Variants in SHROOM4 observed in about 807,000 individuals in gnomAD.
The protein encoded by SHROOM4 is shroom family member 4, also known as protein Shroom4.
A neutral mutation model predicts 80.3 loss-of-function variants in SHROOM4; 17 were observed. That is an observed-to-expected ratio of 0.21 (90% CI 0.14 to 0.32). SHROOM4 has a LOEUF of 0.32. SHROOM4 is among the 10% of genes least tolerant of loss of function. The pLI is 1.00. For missense variants in SHROOM4, 993 were observed against 1,140.3 expected (o/e 0.87, Z 1.86); for synonymous variants, 400 against 437.5 (o/e 0.91, Z 1.07).
chrX:50,575,861 A>G, the SHROOM4 span, among the ~76,000 whole-genome samples: 1 of 111,470 alleles, frequency 9.0e-6, no homozygotes, highest in African/African-American at 3.3e-5. Flanking sequence ...ATTTTCCCCT[A>G]CCCGCAGTTC....
rs58621277 is a variant in SHROOM4, at chrX:50,615,098, T to TTGTGTG, written c.2958-6920_2958-6915dup. ...GATGGTTTGGGGTGAGATTCTCTTA[T>TTGTGTG]TGTGTGTGTGTGTGTGTGTGTGTGT... is the stretch of plus-strand genomic sequence containing the variant. On this transcript the variant is annotated intron_variant, in intron 5 of 8. Coordinates refer to ENST00000376020, the MANE Select transcript of SHROOM4 (RefSeq NM_020717.5). 8.5e-4 allele frequency among the ~76,000 whole-genome samples: 84 copies of TTGTGTG among 98,491 alleles called. No homozygotes were observed. The Middle Eastern group carries it at 0.021, about 24-fold the overall frequency. The allele number at this position is 98,491 out of a possible 115,157, so 85.5% of individuals were successfully genotyped here.
At chrX:50,722,944 A>C (rs781930509) in intron 1 of SHROOM4, among the ~76,000 whole-genome samples, 1 of 110,506 alleles carries the variant, frequency 9.0e-6, no homozygotes, top group South Asian at 4.0e-4. Flanking sequence ...TAAAATTACC[A>C]TACCATAAAA....
chrX:50,665,445 T>C (rs1557260278), intron 2 of SHROOM4, among the ~76,000 whole-genome samples: 2 of 111,005 alleles, frequency 1.8e-5, no homozygotes, highest in Non-Finnish European at 3.8e-5. Flanking sequence ...GGAGAAAGCA[T>C]GCACAACTTG....
rs1932052640 is a variant in SHROOM4 at position 50,651,396 on chromosome X, A to G, written c.270-13088T>C. 2.7e-5 allele frequency among the ~76,000 whole-genome samples: 3 copies of G among 111,342 alleles called. No homozygotes were observed. The South Asian group carries it at 1.1e-3, about 42-fold the overall frequency. On this transcript the variant is annotated intron_variant, in intron 2 of 8. Coordinates refer to ENST00000376020, the MANE Select transcript of SHROOM4 (RefSeq NM_020717.5). ...GGCTTAGGGAGGTGAAATAAATCAC[A>G]TAAGGCTTGAACACAAGTTTTTTGC...
chrX:50,792,989 A>G (rs913445177), intron 1 of SHROOM4, among the ~76,000 whole-genome samples: 6 of 105,244 alleles, frequency 5.7e-5, no homozygotes, highest in Non-Finnish European at 1.2e-4. Flanking sequence ...TCTTGAAAAC[A>G]TATTTAAAAC....
intron 3 of SHROOM4, 123 bp from the exon 4 acceptor site, chrX:50,635,791 AGGGGG>A: frequency 4.5e-6 from 2 of 442,638 alleles, no homozygotes; most frequent in Non-Finnish European, 7.5e-6. Context: ...AAAAAAAAAA[AGGGGG>A]AAGAAAGGGA....
intron 2 of SHROOM4, among the ~76,000 whole-genome samples, chrX:50,679,228 G>T (rs1932895174): frequency 9.0e-6 from 1 of 110,712 alleles, no homozygotes; most frequent in African/African-American, 3.3e-5. Context: ...GATTTAAAAA[G>T]ATAAGCATTG....
intron 5 of SHROOM4, among the ~76,000 whole-genome samples, chrX:50,622,886 G>A (rs782570096): frequency 1.8e-5 from 2 of 112,101 alleles, no homozygotes; most frequent in Non-Finnish European, 3.8e-5. Context: ...CAGTTTTCTA[G>A]ATTCTGACTG....
chrX:50,798,964 A>G (rs782787831), intron 1 of SHROOM4, among the ~76,000 whole-genome samples: 1 of 111,764 alleles, frequency 8.9e-6, no homozygotes, highest in East Asian at 2.8e-4. Flanking sequence ...CTGCCCTTTG[A>G]ACCTTTAACT....
At chrX:50,638,069 A>T in intron 3 of SHROOM4, 105 bp downstream of exon 3, 1 of 1,012,354 alleles carries the variant, frequency 9.9e-7, no homozygotes. Flanking sequence ...CTTTTCCATT[A>T]TAGTACTTGA....
In SHROOM4 at chrX:50,687,267, C is replaced by CTTTTTTTTTTTTTTT. The variant is rs1217867502; in HGVS notation, c.269+8504_269+8518dup. On this transcript the variant is annotated intron_variant, in intron 2 of 8. Transcript: ENST00000376020. ...CTATTCAACTTTGCCATTTTGGTGT[C>CTTTTTTTTTTTTTTT]TTTTTTTTTTTTTTTTAAAAACAGC... The CTTTTTTTTTTTTTTT allele has an allele frequency of 1.4e-3, 125 of 88,782 alleles. 1 individual carries two copies. Among genetic ancestry groups the CTTTTTTTTTTTTTTT allele is most frequent in the African/African-American group, 5.4e-3 (119 of 22,064 alleles). The allele number at this position is 88,782 out of a possible 1,213,427, so 7.3% of individuals were successfully genotyped here.
At chrX:50,657,159 A>G (rs1167989601) in intron 2 of SHROOM4, among the ~76,000 whole-genome samples, 1 of 111,498 alleles carries the variant, frequency 9.0e-6, no homozygotes, top group East Asian at 2.8e-4. Context: ...CTTTTGGTGG[A>G]CTTCTAGGGT....
At chrX:50,713,408 ATTGC>A (rs1354995531) in intron 1 of SHROOM4, among the ~76,000 whole-genome samples, 10 of 110,295 alleles carry the variant, frequency 9.1e-5, no homozygotes, top group Admixed American at 4.8e-4. Flanking sequence ...AGGTGGGGGG[ATTGC>A]TTGAGCCCAG....
chrX:50,609,053 A>C (rs1209867898), intron 5 of SHROOM4, among the ~76,000 whole-genome samples: 1 of 92,657 alleles, frequency 1.1e-5, no homozygotes, highest in East Asian at 3.4e-4. Flanking sequence ...ACTTGTGTCC[A>C]GGAGTTCAAG....
rs181053981 is a variant in SHROOM4 at position 50,679,809 on chromosome X, T to G, written c.269+15977A>C. Among the ~76,000 whole-genome samples the G allele has an allele frequency of 1.4e-4, 16 of 112,073 alleles. No individual in the cohort carries two copies. In the East Asian group the frequency reaches 4.5e-3, roughly 31 times the overall value. On this transcript the variant is annotated intron_variant, in intron 2 of 8. Coordinates refer to ENST00000376020, the MANE Select transcript of SHROOM4 (RefSeq NM_020717.5). ...GGAACTTATTCCTTTCTTTTAAAAA[T>G]TAATTTTATTAACCGACAAAAATCA...
At chrX:50,767,794 C>T (rs1244235269) in intron 1 of SHROOM4, among the ~76,000 whole-genome samples, 1 of 111,627 alleles carries the variant, frequency 9.0e-6, no homozygotes, top group Non-Finnish European at 1.9e-5. Context: ...GAAATATTTT[C>T]ATATGGAAAC....
At chrX:50,717,311 G>C (rs782273292) in intron 1 of SHROOM4, among the ~76,000 whole-genome samples, 1 of 111,706 alleles carries the variant, frequency 9.0e-6, no homozygotes, top group Non-Finnish European at 1.9e-5. Context: ...TCCGCCTCCC[G>C]GGTTCAAGCG....
At chrX:50,781,654 G>A (rs1935629451) in intron 1 of SHROOM4, among the ~76,000 whole-genome samples, 1 of 110,737 alleles carries the variant, frequency 9.0e-6, no homozygotes, top group Non-Finnish European at 1.9e-5. Flanking sequence ...ACTGTAGACT[G>A]TTTCCTGAAC....
At chrX:50,725,331 T>C (rs1319820795) in intron 1 of SHROOM4, among the ~76,000 whole-genome samples, 1 of 112,122 alleles carries the variant, frequency 8.9e-6, no homozygotes, top group Non-Finnish European at 1.9e-5. Context: ...AGCCAAGGGC[T>C]CTGCTCTGGC....
Sources: gnomAD v4.1 joint callset for allele counts (sites outside exome capture counted in the v4.1 genomes callset) on GRCh38, gnomAD v4.1.1 for gene constraint, MANE v1.5 for transcripts, NCBI Gene and HGNC (gene_info 2026-07-23, HGNC 2026-07-21) for gene names.